Variants in GMPR observed in about 807,000 individuals in gnomAD.
The protein encoded by GMPR is GMP reductase 1.
In GMPR, 31 loss-of-function variants were observed where a neutral mutation model predicts 38.4. That is an observed-to-expected ratio of 0.81 (90% CI 0.61 to 1.09). The LOEUF (loss-of-function observed/expected upper bound fraction) is 1.09, where lower values mean the gene tolerates loss of function less well. Among genes scored for constraint, GMPR ranks in the 50% least tolerant of loss-of-function variants. The pLI is 0.00. For synonymous variants in GMPR, 162 were observed against 173.3 expected (o/e 0.93, Z 0.51); for missense variants, 468 against 453.7 (o/e 1.03, Z -0.29).
intron 3 of GMPR, among the ~76,000 whole-genome samples, chr6:16,252,166 T>C (rs1244701535): frequency 6.6e-6 from 1 of 152,232 alleles, no homozygotes; most frequent in East Asian, 1.9e-4. Context: ...TCAAGTGAAT[T>C]GTGTTTGTTT....
intron 7 of GMPR, among the ~76,000 whole-genome samples, chr6:16,289,166 A>G (rs1338609793): frequency 2.6e-5 from 4 of 152,194 alleles, no homozygotes; most frequent in Admixed American, 6.5e-5. Flanking sequence ...GGGAAGGTCT[A>G]TAGCTTCATT....
chr6:16,260,558 G>A (rs891257559), intron 4 of GMPR, among the ~76,000 whole-genome samples: 1 of 152,044 alleles, frequency 6.6e-6, no homozygotes, highest in Non-Finnish European at 1.5e-5. Flanking sequence ...GGGAAGGGAA[G>A]GGGCCTGAAT....
chr6:16,265,415 A>G (rs887438599), intron 4 of GMPR, among the ~76,000 whole-genome samples: 3 of 152,254 alleles, frequency 2.0e-5, no homozygotes, highest in East Asian at 1.9e-4. Context: ...TGAGCCTGCA[A>G]ATTTTTGCTG....
In GMPR at chr6:16,289,034, G is replaced by A. The variant is rs148915403; in HGVS notation, c.698-1428G>A. On this transcript the variant is annotated intron_variant, in intron 7 of 8. Coordinates refer to ENST00000259727, the MANE Select transcript of GMPR (RefSeq NM_006877.4). ...TAAAAGCAGGCTGCCGGAGCCAGCAGTGGCAAACCCTTCTGGCTCCTTTTC... is the reference window on the plus strand; with the variant it reads ...TAAAAGCAGGCTGCCGGAGCCAGCAATGGCAAACCCTTCTGGCTCCTTTTC... Among the ~76,000 whole-genome samples, 110 of 152,344 alleles carry A rather than the reference G, an allele frequency of 7.2e-4. 1 individual carries two copies. Among genetic ancestry groups the A allele is most frequent in the Admixed American group, 2.1e-3 (32 of 15,304 alleles).
chr6:16,279,031 CAG>C, intron 6 of GMPR, 141 bp downstream of exon 6: 4 of 617,172 alleles, frequency 6.5e-6, no homozygotes, highest in South Asian at 5.8e-5. Context: ...TCAGCAGAAA[CAG>C]AGGCCCTGCT....
intron 2 of GMPR, among the ~76,000 whole-genome samples, chr6:16,248,397 G>A (rs767016081): frequency 1.9e-4 from 28 of 151,314 alleles, no homozygotes; most frequent in Non-Finnish European, 7.4e-5. Context: ...GGTGCAGAGC[G>A]TCTTCTGCAT....
intron 5 of GMPR, among the ~76,000 whole-genome samples, chr6:16,275,305 A>T (rs539980366): frequency 5.9e-5 from 9 of 152,310 alleles, no homozygotes; most frequent in African/African-American, 2.2e-4. Context: ...AAATGACACT[A>T]CCAAAAAAGG....
At chr6:16,294,655 T>A (rs1238294328) in intron 8 of GMPR, among the ~76,000 whole-genome samples, 1 of 152,056 alleles carries the variant, frequency 6.6e-6, no homozygotes, top group African/African-American at 2.4e-5. Context: ...AAGGTAAAGG[T>A]GGTTTCTGTT....
At chr6:16,262,892 T>C (rs1427350477) in intron 4 of GMPR, 1 of 151,998 alleles carries the variant, frequency 6.6e-6, no homozygotes, top group Non-Finnish European at 1.5e-5. Context: ...CAGCCACCTT[T>C]TTAAGAGTAA....
At chr6:16,277,313 C>G (rs968768588) in intron 5 of GMPR, among the ~76,000 whole-genome samples, 1 of 152,324 alleles carries the variant, frequency 6.6e-6, no homozygotes, top group Non-Finnish European at 1.5e-5. Context: ...AGACATACTT[C>G]TCTGTCTGAT....
chr6:16,266,313 G>A (rs186526351), intron 4 of GMPR, among the ~76,000 whole-genome samples: 157 of 150,854 alleles, frequency 1.0e-3, no homozygotes, highest in Non-Finnish European at 1.7e-3. Flanking sequence ...ATGAACCCAC[G>A]AGGAGGAACG....
intron 6 of GMPR, among the ~76,000 whole-genome samples, chr6:16,279,674 T>C (rs1482193116): frequency 6.6e-6 from 1 of 152,110 alleles, no homozygotes; most frequent in African/African-American, 2.4e-5. Context: ...AGAAAAGCAC[T>C]GGGGAACCAA....
At position 16,265,977 on chromosome 6, in the gene GMPR, G is replaced by A. The variant is rs142146791; in HGVS notation, c.466-8438G>A. Among the ~76,000 whole-genome samples the A allele has an allele frequency of 2.6e-5, 4 of 152,190 alleles. No homozygotes were observed. The East Asian group carries it at 7.8e-4, about 30-fold the overall frequency. On this transcript the variant is annotated intron_variant, in intron 4 of 8. Transcript: ENST00000259727. ...CCGGGAGAAAGGAACAATTGTGGAT[G>A]TGCAACCTTTAAGAGCTGTAACACT...
At chr6:16,239,518 C>T (rs1269546406) in intron 1 of GMPR, among the ~76,000 whole-genome samples, 2 of 152,222 alleles carry the variant, frequency 1.3e-5, no homozygotes, top group East Asian at 3.9e-4. Context: ...AGGCCAGTCC[C>T]TGAAGGATAA....
intron 4 of GMPR, among the ~76,000 whole-genome samples, chr6:16,269,866 A>G (rs751407094): frequency 5.3e-5 from 8 of 152,234 alleles, no homozygotes; most frequent in Non-Finnish European, 8.8e-5. Flanking sequence ...GAAGTCCAGT[A>G]TCAAGGCAGA....
intron 7 of GMPR, among the ~76,000 whole-genome samples, chr6:16,286,570 A>T (rs1759684788): frequency 6.6e-6 from 1 of 151,660 alleles, no homozygotes; most frequent in Non-Finnish European, 1.5e-5. Context: ...TGGTGGCAGG[A>T]AACTTTATGT....
At chr6:16,289,153 G>C (rs1759768821) in intron 7 of GMPR, among the ~76,000 whole-genome samples, 1 of 152,136 alleles carries the variant, frequency 6.6e-6, no homozygotes, top group South Asian at 2.1e-4. Flanking sequence ...TGTGCTATTT[G>C]CCGGGAAGGT....
At chr6:16,275,380 C>G (rs867981229) in intron 5 of GMPR, among the ~76,000 whole-genome samples, 2 of 152,134 alleles carry the variant, frequency 1.3e-5, no homozygotes, top group South Asian at 4.1e-4. Context: ...GCGCAGGAGA[C>G]GCTGTTGAGC....
intron 8 of GMPR, among the ~76,000 whole-genome samples, chr6:16,293,168 G>A (rs908334926): frequency 8.5e-5 from 13 of 152,268 alleles, no homozygotes; most frequent in Non-Finnish European, 2.9e-5. Flanking sequence ...CGCTGTGCCC[G>A]GGAGGCAAAG....
Sources: allele counts gnomAD v4.1 joint callset (sites outside exome capture counted in the v4.1 genomes callset), GRCh38; gene constraint gnomAD v4.1.1; transcripts MANE v1.5; gene names NCBI Gene and HGNC (gene_info 2026-07-23, HGNC 2026-07-21).